The following KHDRBS2 variants were observed in gnomAD, a reference collection of about 807,000 sequenced individuals.
KHDRBS2 encodes KH RNA binding domain containing, signal transduction associated 2, also known as KH domain-containing, RNA-binding, signal transduction-associated protein 2.
KHDRBS2 carries 26 observed loss-of-function variants against 44.3 expected under a neutral mutation model. That is an observed-to-expected ratio of 0.59 (90% CI 0.43 to 0.81). KHDRBS2 has a LOEUF of 0.81. Ranked by LOEUF, KHDRBS2 falls within the 40% of genes least tolerant of loss-of-function variation. The pLI, the probability that KHDRBS2 is intolerant of heterozygous loss-of-function variation, is 0.00. For synonymous variants in KHDRBS2, 194 were observed against 151.1 expected (o/e 1.28, Z -2.08); for missense variants, 476 against 433.1 (o/e 1.10, Z -0.88).
intron 2 of KHDRBS2, among the ~76,000 whole-genome samples, chr6:62,148,218 G>C (rs553726775): frequency 6.6e-6 from 1 of 151,984 alleles, no homozygotes; most frequent in African/African-American, 2.4e-5. Flanking sequence ...TCTATTCTCT[G>C]ACCATAGACC....
chr6:61,980,053 T>G (rs536445187), intron 3 of KHDRBS2, among the ~76,000 whole-genome samples: 1 of 152,156 alleles, frequency 6.6e-6, no homozygotes, highest in African/African-American at 2.4e-5. Context: ...TAGCTCATTA[T>G]GGAGCTCAAT....
At chr6:61,620,195 A>C in the KHDRBS2 span, among the ~76,000 whole-genome samples, 1 of 152,146 alleles carries the variant, frequency 6.6e-6, no homozygotes, top group African/African-American at 2.4e-5. Context: ...ATAAGCATTC[A>C]GAAGTTTAAA....
intron 2 of KHDRBS2, among the ~76,000 whole-genome samples, chr6:62,064,691 T>A (rs1011169885): frequency 1.3e-5 from 2 of 151,964 alleles, no homozygotes; most frequent in Non-Finnish European, 2.9e-5. Flanking sequence ...GAAGAAAACC[T>A]AGGCATTACC....
the KHDRBS2 span, among the ~76,000 whole-genome samples, chr6:61,545,677 T>G: frequency 1.3e-5 from 2 of 151,990 alleles, no homozygotes; most frequent in African/African-American, 2.4e-5. Context: ...AGACTGAATG[T>G]TTGCATCTGT....
At chr6:61,703,105 T>C (rs983114023) in intron 7 of KHDRBS2, among the ~76,000 whole-genome samples, 5 of 151,854 alleles carry the variant, frequency 3.3e-5, no homozygotes, top group African/African-American at 1.2e-4. Context: ...AATAGAATAA[T>C]AGTGAATTAA....
At chr6:62,278,758 G>T (rs1841364989) in intron 1 of KHDRBS2, among the ~76,000 whole-genome samples, 1 of 152,158 alleles carries the variant, frequency 6.6e-6, no homozygotes, top group Non-Finnish European at 1.5e-5. Context: ...TGCCGCGTAT[G>T]TGCCAGACTG....
At chr6:61,585,482 A>T in the KHDRBS2 span, among the ~76,000 whole-genome samples, 1 of 152,174 alleles carries the variant, frequency 6.6e-6, no homozygotes, top group South Asian at 2.1e-4. Context: ...TTGAGAAGCC[A>T]TTTCACCTTT....
Position 61,990,020 on chromosome 6 carries a change from AC to A in KHDRBS2, c.337-11809del, listed in dbSNP as rs567751441. Among the ~76,000 whole-genome samples the A allele has an allele frequency of 8.7e-4, 133 of 152,302 alleles. 1 individual carries two copies. Among genetic ancestry groups the A allele is most frequent in the South Asian group, 4.6e-3 (22 of 4,828 alleles). On this transcript the variant is annotated intron_variant, in intron 3 of 8. Transcript: ENST00000281156. ...CTCAGAGTTCTGTGGTGGAATAAGC[AC>A]CAGTTGCCCACAGTTTTAACTTGCT...
At chr6:61,733,967 A>G (rs1257567234) in intron 6 of KHDRBS2, among the ~76,000 whole-genome samples, 2 of 152,110 alleles carry the variant, frequency 1.3e-5, no homozygotes, top group African/African-American at 4.8e-5. Flanking sequence ...GAGGCTTACA[A>G]ATCTCTCTTT....
At chr6:61,869,964 G>GGTTTTTTTTTTTTTTTTTTTTTTT (rs1798386615) in intron 6 of KHDRBS2, among the ~76,000 whole-genome samples, 2 of 108,980 alleles carry the variant, frequency 1.8e-5, no homozygotes, top group African/African-American at 7.6e-5. Context: ...CTGCAGGAGT[G>GGTTTTTTTTTTTTTTTTTTTTTTT]TTTTTTTTTT....
At chr6:61,694,077 T>C (rs1767646265) in intron 8 of KHDRBS2, among the ~76,000 whole-genome samples, 1 of 152,212 alleles carries the variant, frequency 6.6e-6, no homozygotes. Flanking sequence ...CTCATGAGCA[T>C]GATTTTCCTC....
chr6:61,972,125 C>T (rs72884430), intron 4 of KHDRBS2, among the ~76,000 whole-genome samples: 2,852 of 152,204 alleles, frequency 0.019, 51 homozygotes, highest in Non-Finnish European at 0.03. Flanking sequence ...TTTTGAGTCA[C>T]ATTCATCTAA....
At chr6:61,928,241 T>C (rs1809345010) in intron 4 of KHDRBS2, among the ~76,000 whole-genome samples, 1 of 152,140 alleles carries the variant, frequency 6.6e-6, no homozygotes. Flanking sequence ...TCTTGTTGGC[T>C]TCTGTATTCA....
Position 62,158,142 on chromosome 6 carries a change from T to C in KHDRBS2, c.219+19043A>G, listed in dbSNP as rs796111354. Among the ~76,000 whole-genome samples, 20 of 152,282 alleles carry C rather than the reference T, an allele frequency of 1.3e-4. 1 individual carries two copies. The highest frequency in any genetic ancestry group is 4.8e-4 in the African/African-American group (20 of 41,566). ...TATTAGTGTCTTAATCATTCTCTCA[T>C]TCAGGAATGGCACTAAAGAACTCTT... On this transcript the variant is annotated intron_variant, in intron 2 of 8. Coordinates refer to ENST00000281156, the MANE Select transcript of KHDRBS2 (RefSeq NM_152688.4).
At chr6:61,752,902 T>C (rs1252440207) in intron 6 of KHDRBS2, among the ~76,000 whole-genome samples, 2 of 152,146 alleles carry the variant, frequency 1.3e-5, no homozygotes, top group Non-Finnish European at 2.9e-5. Context: ...AGAGGCTGAA[T>C]ACACTGTTTG....
In KHDRBS2 at chr6:61,950,509, G is replaced by A. The variant is rs778013516; in HGVS notation, c.483+27557C>T. Among the ~76,000 whole-genome samples, 17 of 151,982 alleles carry A rather than the reference G, an allele frequency of 1.1e-4. No individual in the cohort carries two copies. The South Asian group carries it at 2.5e-3, about 22-fold the overall frequency. ...CCTGATGAATCAATGATGTTGATAT[G>A]CTTCTGGATTCTGTGTAAATATACT... On this transcript the variant is annotated intron_variant, in intron 4 of 8. Coordinates refer to ENST00000281156, the MANE Select transcript of KHDRBS2 (RefSeq NM_152688.4).
chr6:62,106,394 T>A (rs1338372555), intron 2 of KHDRBS2, among the ~76,000 whole-genome samples: 1 of 152,156 alleles, frequency 6.6e-6, no homozygotes, highest in East Asian at 1.9e-4. Flanking sequence ...AAGTCTCCCA[T>A]TATTATTGTG....
intron 4 of KHDRBS2, among the ~76,000 whole-genome samples, chr6:61,929,293 T>C (rs902212505): frequency 6.6e-6 from 1 of 152,206 alleles, no homozygotes; most frequent in African/African-American, 2.4e-5. Context: ...TTACTGATGG[T>C]TGTACTATAG....
At chr6:61,817,424 A>T (rs1416956210) in intron 6 of KHDRBS2, among the ~76,000 whole-genome samples, 1 of 152,092 alleles carries the variant, frequency 6.6e-6, no homozygotes, top group Non-Finnish European at 1.5e-5. Context: ...AGAAATACTA[A>T]GCACTATATA....
Sources: allele counts gnomAD v4.1 joint callset (sites outside exome capture counted in the v4.1 genomes callset), GRCh38; gene constraint gnomAD v4.1.1; transcripts MANE v1.5; gene names NCBI Gene and HGNC (gene_info 2026-07-23, HGNC 2026-07-21).